Variants in ELMO1 observed in about 807,000 individuals in gnomAD.
ELMO1 encodes engulfment and cell motility 1.
In ELMO1, 26 loss-of-function variants were observed where a neutral mutation model predicts 98.9. That is an observed-to-expected ratio of 0.26 (90% CI 0.19 to 0.36). The LOEUF (loss-of-function observed/expected upper bound fraction) is 0.36, where lower values mean the gene tolerates loss of function less well. ELMO1 is among the 10% of genes least tolerant of loss of function. ELMO1 has a pLI of 1.00. For synonymous variants in ELMO1, 346 were observed against 346.0 expected (o/e 1.00, Z 0.00); for missense variants, 627 against 935.2 (o/e 0.67, Z 4.30).
intron 15 of ELMO1, among the ~76,000 whole-genome samples, chr7:37,073,148 T>C (rs1056109919): frequency 8.5e-5 from 13 of 152,336 alleles, no homozygotes; most frequent in African/African-American, 2.4e-4. Flanking sequence ...AGAGGTGTTT[T>C]TTACAGTAAA....
chr7:36,952,670 T>C (rs761727748), intron 16 of ELMO1, among the ~76,000 whole-genome samples: 4 of 152,114 alleles, frequency 2.6e-5, no homozygotes, highest in Non-Finnish European at 5.9e-5. Context: ...GAAGCGGGAA[T>C]TGTAATGATG....
At chr7:37,353,255 C>A (rs933850487) in intron 1 of ELMO1, 1 of 152,226 alleles carries the variant, frequency 6.6e-6, no homozygotes, top group Non-Finnish European at 1.5e-5. Flanking sequence ...CTCGGTCTCA[C>A]TGCCTTTAAG....
rs149046036 is a variant in ELMO1 at position 37,400,072 on chromosome 7, A to G, written c.-74+48603T>C. ...CTCTGACACTTCCTAGCTATTTAAT[A>G]TGGTACAAGTTTGATGTGTCACTGT... On this transcript the variant is annotated intron_variant, in intron 1 of 21. Coordinates refer to ENST00000310758, the MANE Select transcript of ELMO1 (RefSeq NM_014800.11). Among the ~76,000 whole-genome samples the G allele has an allele frequency of 2.6e-3, 389 of 152,334 alleles. 1 individual carries two copies. Among genetic ancestry groups the G allele is most frequent in the African/African-American group, 9.0e-3 (373 of 41,578 alleles).
intron 15 of ELMO1, among the ~76,000 whole-genome samples, chr7:37,072,929 GTTTTC>G (rs1194815608): frequency 6.6e-6 from 1 of 152,150 alleles, no homozygotes; most frequent in Non-Finnish European, 1.5e-5. Context: ...AGGTTTCTTG[GTTTTC>G]TTTTATTGTT....
At chr7:37,111,689 A>C (rs1785258000) in intron 14 of ELMO1, among the ~76,000 whole-genome samples, 1 of 152,230 alleles carries the variant, frequency 6.6e-6, no homozygotes, top group Non-Finnish European at 1.5e-5. Flanking sequence ...GGGTACAATG[A>C]TAGTGAGAAT....
chr7:37,170,998 C>A (rs1790117166), intron 13 of ELMO1, among the ~76,000 whole-genome samples: 1 of 152,024 alleles, frequency 6.6e-6, no homozygotes, highest in Admixed American at 6.6e-5. Context: ...ACTATTTCAC[C>A]AATATTCTTT....
intron 1 of ELMO1, among the ~76,000 whole-genome samples, chr7:37,395,430 A>G (rs951165948): frequency 7.3e-5 from 11 of 150,794 alleles, no homozygotes; most frequent in African/African-American, 2.7e-4. Context: ...CCTACCATGT[A>G]TGTATGCTTC....
intron 16 of ELMO1, among the ~76,000 whole-genome samples, chr7:36,953,884 T>C (rs1199952477): frequency 7.3e-6 from 1 of 137,054 alleles, no homozygotes; most frequent in African/African-American, 3.1e-5. Context: ...TGTGTGTGTG[T>C]GTGTGTGTGT....
chr7:37,083,741 A>G (rs928220896), intron 15 of ELMO1, among the ~76,000 whole-genome samples: 1 of 152,242 alleles, frequency 6.6e-6, no homozygotes, highest in African/African-American at 2.4e-5. Context: ...ACAGGCAGCC[A>G]GAAGACCTGC....
chr7:37,240,032 CTTTT>C (rs796716424), intron 7 of ELMO1, among the ~76,000 whole-genome samples: 1 of 137,698 alleles, frequency 7.3e-6, no homozygotes, highest in Non-Finnish European at 1.5e-5. Flanking sequence ...AATTTTCTTT[CTTTT>C]TTTTTTTCTT....
intron 15 of ELMO1, among the ~76,000 whole-genome samples, chr7:37,025,737 G>A (rs1217552644): frequency 6.6e-6 from 1 of 151,774 alleles, no homozygotes; most frequent in East Asian, 1.9e-4. Context: ...GCTTTCAGAT[G>A]GCAGTTTGTA....
At chr7:37,297,265 T>C (rs1330165343) in intron 4 of ELMO1, among the ~76,000 whole-genome samples, 2 of 152,198 alleles carry the variant, frequency 1.3e-5, no homozygotes, top group African/African-American at 4.8e-5. Flanking sequence ...GTTGTATAAG[T>C]CAACTCCTTC....
chr7:37,225,423 A>G (rs1267877324), intron 8 of ELMO1, among the ~76,000 whole-genome samples: 1 of 152,046 alleles, frequency 6.6e-6, no homozygotes, highest in Non-Finnish European at 1.5e-5. Flanking sequence ...TTCCTCTTGC[A>G]TTCCCAGGCT....
chr7:37,209,814 A>C (rs1448841315), intron 13 of ELMO1, among the ~76,000 whole-genome samples: 1 of 152,058 alleles, frequency 6.6e-6, no homozygotes, highest in East Asian at 1.9e-4. Context: ...CAGGAAACTC[A>C]CCCGCTCCAC....
rs1785056490 is a variant in ELMO1, at chr7:37,108,406, A to G, written c.1192-11679T>C. 2.0e-5 allele frequency among the ~76,000 whole-genome samples: 3 copies of G among 152,102 alleles called. No individual in the cohort carries two copies. The South Asian group carries it at 6.2e-4, about 32-fold the overall frequency. ...CAATCCAGATGTCACTTTCTCCATA[A>G]AACCTTATGCAATAAAACCTTATGT... On this transcript the variant is annotated intron_variant, in intron 14 of 21. Transcript: ENST00000310758.
intron 1 of ELMO1, among the ~76,000 whole-genome samples, chr7:37,360,425 T>TAA (rs963967962): frequency 1.1e-4 from 14 of 125,552 alleles, no homozygotes; most frequent in Admixed American, 7.5e-5. Context: ...ACTGAAATTT[T>TAA]AAAAAAAAAA....
intron 16 of ELMO1, among the ~76,000 whole-genome samples, chr7:36,935,980 G>T (rs71553093): frequency 0.063 from 9,512 of 152,146 alleles, 431 homozygotes; most frequent in Non-Finnish European, 0.098. Context: ...ACCTAAGATT[G>T]CCCCCTCCTC....
chr7:37,184,300 T>A (rs956814789), intron 13 of ELMO1, among the ~76,000 whole-genome samples: 4 of 152,190 alleles, frequency 2.6e-5, no homozygotes, highest in Non-Finnish European at 5.9e-5. Context: ...ACAAGTCTGG[T>A]CTTAGTGAGA....
intron 13 of ELMO1, among the ~76,000 whole-genome samples, chr7:37,206,501 A>G (rs1792630816): frequency 6.6e-6 from 1 of 152,242 alleles, no homozygotes; most frequent in East Asian, 1.9e-4. Context: ...AAGGAAAAAT[A>G]TAAATATGCA....
Sources: gnomAD v4.1 joint callset for allele counts (sites outside exome capture counted in the v4.1 genomes callset) on GRCh38, gnomAD v4.1.1 for gene constraint, MANE v1.5 for transcripts, NCBI Gene and HGNC (gene_info 2026-07-23, HGNC 2026-07-21) for gene names.